Variants in GOLGA7B observed in about 807,000 individuals in gnomAD.
GOLGA7B encodes golgin A7 family member B, also known as golgin subfamily A member 7B.
A neutral mutation model predicts 21.5 loss-of-function variants in GOLGA7B; 17 were observed. That is an observed-to-expected ratio of 0.79 (90% confidence interval 0.54 to 1.19). The LOEUF (loss-of-function observed/expected upper bound fraction) is 1.19, where lower values mean the gene tolerates loss of function less well. Ranked by LOEUF, GOLGA7B falls within the 50% of genes most tolerant of loss-of-function variation. The pLI is 0.00. For missense variants in GOLGA7B, 169 were observed against 224.4 expected, an observed-to-expected ratio of 0.75 and a Z score of 1.58; for synonymous variants, 87 against 84.0, an observed-to-expected ratio of 1.04 and a Z score of -0.19.
At chr10:97,861,780 C>T (rs2049972612) in intron 2 of GOLGA7B, among the ~76,000 whole-genome samples, 1 of 152,204 alleles carries the variant, frequency 6.6e-6, no homozygotes, top group Non-Finnish European at 1.5e-5. Context: ...GAATGTGGGC[C>T]TCTTTCTCAT....
Position 97,870,772 on chromosome 10 carries a change from C to G in GOLGA7B, c.*5072C>G, listed in dbSNP as rs2050084494. On this transcript the variant is annotated 3_prime_UTR_variant, in exon 5 of 5. Transcript: ENST00000370602. ...TGTGTGTGTGAAAATGTAATGTCTGCTCTGCTGTGGGTGGGCCCTCTAAAA... is the reference window on the plus strand; with the variant it reads ...TGTGTGTGTGAAAATGTAATGTCTGGTCTGCTGTGGGTGGGCCCTCTAAAA... 6.6e-6 allele frequency: 1 copy of G among 151,984 alleles called. No individual in the cohort carries two copies. The highest frequency in any genetic ancestry group is 2.1e-4 in the South Asian group (1 of 4,806). The allele number at this position is 151,984 out of a possible 1,614,324, so 9.4% of individuals were successfully genotyped here. A position where few individuals can be genotyped will look rare whatever the true frequency, so the allele number is the denominator to read the frequency against.
At chr10:97,860,105 T>G in intron 2 of GOLGA7B, among the ~76,000 whole-genome samples, 1 of 152,252 alleles carries the variant, frequency 6.6e-6, no homozygotes, top group Non-Finnish European at 1.5e-5. Context: ...ATCTTAATTT[T>G]GAAATGAATT....
At chr10:97,852,699 AG>A (rs1236351866) in intron 1 of GOLGA7B, among the ~76,000 whole-genome samples, 1 of 143,220 alleles carries the variant, frequency 7.0e-6, no homozygotes, top group East Asian at 2.2e-4. Context: ...GGAGAGAGGG[AG>A]AGGAAGGGGG....
chr10:97,865,648 G>A lies in GOLGA7B; in HGVS notation c.452G>A (p.Ser151Asn), dbSNP rs773473661. ...AGTGGCAGCTCCAGCAGCGGCAGCA[G>A]CAGCGGCAGTGGCAGCAGCAGCGGT... ...CSSGSSSSGS[S>N]SGSGSSSGGG... is the part of the protein sequence containing the mutation. Residue 151 changes from serine (S) to asparagine (N), a missense_variant, in exon 5 of 5, where the codon AGC (serine) becomes AAC (asparagine). Ser to Asn is a conservative substitution (Grantham distance 46, BLOSUM62 1). Transcript: ENST00000370602. 1.1e-5 allele frequency: 17 copies of A among 1,612,020 alleles called. No homozygotes were observed. The East Asian group carries it at 3.6e-4, about 34-fold the overall frequency.
At position 97,850,231 on chromosome 10, in the gene GOLGA7B, CCTG is replaced by C; in HGVS notation, c.-70_-68del. 1 of 1,223,520 alleles carries C rather than the reference CCTG, an allele frequency of 8.2e-7. No individual in the cohort carries two copies. Among genetic ancestry groups the C allele is most frequent in the Non-Finnish European group, 1.1e-6 (1 of 922,672 alleles). 75.8% of individuals were successfully genotyped at this position (1,223,520 alleles called of 1,614,324 possible). Reference sequence around the variant, plus strand: ...AGCTCGCCGCCACCGCCGCCGCCCACCTGCTCCCGGGGTCAGCACCGCGGAGAC... The same window carrying C: ...AGCTCGCCGCCACCGCCGCCGCCCACCTCCCGGGGTCAGCACCGCGGAGAC... On this transcript the variant is annotated 5_prime_UTR_variant, in exon 1 of 5. Coordinates refer to ENST00000370602, the MANE Select transcript of GOLGA7B (RefSeq NM_001010917.3).
intron 1 of GOLGA7B, among the ~76,000 whole-genome samples, chr10:97,851,011 A>G (rs560574839): frequency 2.1e-4 from 32 of 152,144 alleles, no homozygotes; most frequent in African/African-American, 7.0e-4. Context: ...GAATCTTGGT[A>G]TAATGCTTGA....
intron 1 of GOLGA7B, among the ~76,000 whole-genome samples, chr10:97,854,560 T>C (rs2049923651): frequency 6.6e-6 from 1 of 152,122 alleles, no homozygotes; most frequent in Non-Finnish European, 1.5e-5. Flanking sequence ...CTTTAGCAAC[T>C]CCTCAGAGTT....
intron 1 of GOLGA7B, among the ~76,000 whole-genome samples, chr10:97,857,314 C>A (rs1402601858): frequency 6.6e-6 from 1 of 151,142 alleles, no homozygotes; most frequent in African/African-American, 2.4e-5. Context: ...TTTCCCAGCA[C>A]CATTCATTGA....
chr10:97,857,004 T>C lies in GOLGA7B; in HGVS notation c.13-2454T>C, dbSNP rs138287795. Among the ~76,000 whole-genome samples, 557 of 152,256 alleles carry C rather than the reference T, an allele frequency of 3.7e-3. 2 individuals carry two copies. Among genetic ancestry groups the C allele is most frequent in the African/African-American group, 0.013 (530 of 41,548 alleles). ...TTCTGTCAAAGGCATAATTTGCAAATATTTTCTCCCTTTCTGTAGGTTGTC... is the reference window on the plus strand; with the variant it reads ...TTCTGTCAAAGGCATAATTTGCAAACATTTTCTCCCTTTCTGTAGGTTGTC... On this transcript the variant is annotated intron_variant, in intron 1 of 4. Coordinates refer to ENST00000370602, the MANE Select transcript of GOLGA7B (RefSeq NM_001010917.3).
rs1000986988 is a variant in GOLGA7B, at chr10:97,866,045, A to AG, written c.*351dup. 1 of 306,032 alleles carries AG rather than the reference A, an allele frequency of 3.3e-6. No homozygotes were observed. The allele number at this position is 306,032 out of a possible 1,614,324, so 19.0% of individuals were successfully genotyped here. A position where few individuals can be genotyped will look rare whatever the true frequency, so the allele number is the denominator to read the frequency against. On this transcript the variant is annotated 3_prime_UTR_variant, in exon 5 of 5. Transcript: ENST00000370602. ...CCACAGCCCCTCTCCCAACCCTGCG[A>AG]GGGGGGCCGAGGCCTGCCACATAGA...
In GOLGA7B at chr10:97,868,620, C is replaced by T. The variant is rs2050054681; in HGVS notation, c.*2920C>T. 6.6e-6 allele frequency: 1 copy of T among 152,350 alleles called. No homozygotes were observed. The highest frequency in any genetic ancestry group is 1.5e-5 in the Non-Finnish European group (1 of 68,138). 9.4% of individuals were successfully genotyped at this position (152,350 alleles called of 1,614,324 possible). ...CTGGACTCACTCCCTCTGCTGGAAC[C>T]TGGGCCGTGTGTGGGTTGCCACAAG... On this transcript the variant is annotated 3_prime_UTR_variant, in exon 5 of 5. Coordinates refer to ENST00000370602, the MANE Select transcript of GOLGA7B (RefSeq NM_001010917.3).
chr10:97,861,821 A>T (rs1362360246), intron 2 of GOLGA7B, among the ~76,000 whole-genome samples: 1 of 152,016 alleles, frequency 6.6e-6, no homozygotes, highest in African/African-American at 2.4e-5. Context: ...GGGCGGGGTG[A>T]CCCCCAGGGT....
At chr10:97,860,453 G>A (rs1313589653) in intron 2 of GOLGA7B, among the ~76,000 whole-genome samples, 1 of 152,120 alleles carries the variant, frequency 6.6e-6, no homozygotes, top group Non-Finnish European at 1.5e-5. Flanking sequence ...CCCAGCTAAG[G>A]TGATCTTCCT....
At position 97,850,156 on chromosome 10, in the gene GOLGA7B, C is replaced by T; in HGVS notation, c.-148C>T. On this transcript the variant is annotated 5_prime_UTR_variant, in exon 1 of 5. Coordinates refer to ENST00000370602, the MANE Select transcript of GOLGA7B (RefSeq NM_001010917.3). ...CCCGCCCGCCCCCGGCCCACCTGAG[C>T]CCGGGCCCGCGGCGCCCGCATCAGC... 5.1e-6 allele frequency: 1 copy of T among 194,586 alleles called. No individual in the cohort carries two copies. The highest frequency in any genetic ancestry group is 2.4e-5 in the African/African-American group (1 of 41,096). 12.1% of individuals were successfully genotyped at this position (194,586 alleles called of 1,614,324 possible).
intron 4 of GOLGA7B, chr10:97,865,093 T>C (rs965644962): frequency 3.9e-5 from 6 of 154,892 alleles, no homozygotes; most frequent in Non-Finnish European, 7.1e-5. Context: ...ATACATTTAA[T>C]CTAATCTCCA....
Position 97,850,295 on chromosome 10 carries a change from C to T in GOLGA7B, c.-9C>T. On this transcript the variant is annotated 5_prime_UTR_variant, in exon 1 of 5. Coordinates refer to ENST00000370602, the MANE Select transcript of GOLGA7B (RefSeq NM_001010917.3). ...CGGCCCCGCGACAGCCTCCGAGCGCCCCCGGATCATGGCCACCGAGGTAGG... is the reference window on the plus strand; with the variant it reads ...CGGCCCCGCGACAGCCTCCGAGCGCTCCCGGATCATGGCCACCGAGGTAGG... 2 of 1,513,580 alleles carry T rather than the reference C, an allele frequency of 1.3e-6. No individual in the cohort carries two copies. Among genetic ancestry groups the T allele is most frequent in the Non-Finnish European group, 1.8e-6 (2 of 1,133,622 alleles). 93.8% of individuals were successfully genotyped at this position (1,513,580 alleles called of 1,614,324 possible). A position where few individuals can be genotyped will look rare whatever the true frequency, so the allele number is the denominator to read the frequency against.
At chr10:97,852,506 G>A (rs1242489019) in intron 1 of GOLGA7B, among the ~76,000 whole-genome samples, 1 of 152,194 alleles carries the variant, frequency 6.6e-6, no homozygotes, top group Non-Finnish European at 1.5e-5. Flanking sequence ...CACAGGACCT[G>A]CACGTATTCT....
chr10:97,860,368 C>T (rs2049962724), intron 2 of GOLGA7B, among the ~76,000 whole-genome samples: 2 of 150,332 alleles, frequency 1.3e-5, no homozygotes, highest in African/African-American at 2.4e-5. Context: ...AATACTAGGT[C>T]TTTTTTTTTT....
rs2050088907 is a variant in GOLGA7B, at chr10:97,871,155, CA to C, written c.*5457del. The C allele has an allele frequency of 6.6e-6, 1 of 152,178 alleles. No individual in the cohort carries two copies. The highest frequency in any genetic ancestry group is 1.5e-5 in the Non-Finnish European group (1 of 68,032). The allele number at this position is 152,178 out of a possible 1,614,324, so 9.4% of individuals were successfully genotyped here. A position where few individuals can be genotyped will look rare whatever the true frequency, so the allele number is the denominator to read the frequency against. On this transcript the variant is annotated 3_prime_UTR_variant, in exon 5 of 5. Transcript: ENST00000370602. ...TGGCAGTGCCAAGGGCAGCCTGCAC[CA>C]AGCTCACAACTCTTCCTCCAAGAGG...
Sources: gnomAD v4.1 joint callset for allele counts (sites outside exome capture counted in the v4.1 genomes callset) on GRCh38, gnomAD v4.1.1 for gene constraint, MANE v1.5 for transcripts, NCBI Gene and HGNC (gene_info 2026-07-23, HGNC 2026-07-21) for gene names.